The following NF1 variants were observed in gnomAD, a reference collection of about 807,000 sequenced individuals.
The protein encoded by NF1 is neurofibromin.
A neutral mutation model predicts 325.7 loss-of-function variants in NF1; 122 were observed. That is an observed-to-expected ratio of 0.37 (90% CI 0.32 to 0.44). NF1 has a LOEUF of 0.44. Among genes scored for constraint, NF1 ranks in the 20% least tolerant of loss-of-function variants. The pLI is 1.00. For missense variants in NF1, 2,140 were observed against 3,415.4 expected (o/e 0.63, Z 9.31); for synonymous variants, 1,091 against 1,186.0 (o/e 0.92, Z 1.65).
intron 1 of NF1, among the ~76,000 whole-genome samples, chr17:31,126,874 A>T (rs1039606929): frequency 3.3e-5 from 5 of 152,144 alleles, no homozygotes; most frequent in Admixed American, 2.6e-4. Context: ...ATGTTTTAAA[A>T]TTTTTTTGTG....
chr17:31,327,422 G>A (rs1186137422), intron 37 of NF1, 77 bp from the exon 38 acceptor site: 14 of 1,152,708 alleles, frequency 1.2e-5, no homozygotes, highest in Non-Finnish European at 1.6e-5. Flanking sequence ...TGGTTGGTTG[G>A]TTTCTGGAGC....
rs749833271 is a variant in NF1, at chr17:31,225,248, A to G, written c.1999A>G (p.Met667Val). ...SLRKGKGNSS[M>V]DSAAGCSGTP... ...CCGGAAGGGAAAAGGGAACTCCTCT[A>G]TGGTCAGCTTCTTCTGTACTTTTTC... The change falls in exon 17 of 58, where the codon ATG becomes GTG. Residue 667 changes from methionine (M) to valine (V), a missense_variant and splice_region_variant. Physicochemically the swap from Met to Val is conservative, Grantham distance 21. Coordinates refer to ENST00000358273, the MANE Select transcript of NF1 (RefSeq NM_001042492.3). 6.8e-6 allele frequency: 11 copies of G among 1,613,364 alleles called. No individual in the cohort carries two copies. The highest frequency in any genetic ancestry group is 1.6e-4 in the Middle Eastern group (1 of 6,080).
intron 57 of NF1, among the ~76,000 whole-genome samples, chr17:31,369,662 T>G (rs2070595352): frequency 6.6e-6 from 1 of 152,224 alleles, no homozygotes; most frequent in Non-Finnish European, 1.5e-5. Context: ...TACAAAACTT[T>G]AAAGGGGTTT....
intron 1 of NF1, chr17:31,136,965 C>T (rs1287944810): frequency 1.3e-5 from 2 of 152,106 alleles, no homozygotes; most frequent in Non-Finnish European, 2.9e-5. Flanking sequence ...GATAGTTTTG[C>T]TGGATATATA....
At chr17:31,189,847 C>T (rs371181699) in intron 8 of NF1, among the ~76,000 whole-genome samples, 6 of 150,084 alleles carry the variant, frequency 4.0e-5, no homozygotes, top group Admixed American at 1.3e-4. Flanking sequence ...GTGCAACCCC[C>T]GCCTCTCGGG....
intron 31 of NF1, among the ~76,000 whole-genome samples, chr17:31,257,433 T>G (rs2067601928): frequency 6.6e-6 from 1 of 152,164 alleles, no homozygotes; most frequent in African/African-American, 2.4e-5. Flanking sequence ...ATGACATGAT[T>G]TAAAGCAGGG....
Position 31,338,097 on chromosome 17 carries a change from G to A in NF1, c.6777G>A (p.Val2259=), listed in dbSNP as rs1281405147. The change falls in exon 45 of 58, where the codon GTG becomes GTA. Residue 2259 remains valine, a synonymous_variant. Coordinates refer to ENST00000358273, the MANE Select transcript of NF1 (RefSeq NM_001042492.3). ...LVVFGCISKR[V]SHGQIKQIIR... Reference sequence around the variant, plus strand: ...TCTTTGGGTGTATTAGCAAACGAGTGTCTCATGGGCAGATAAAGCAGATAA... The same window carrying A: ...TCTTTGGGTGTATTAGCAAACGAGTATCTCATGGGCAGATAAAGCAGATAA... 6.2e-7 allele frequency: 1 copy of A among 1,613,914 alleles called. No individual in the cohort carries two copies. The highest frequency in any genetic ancestry group is 1.3e-5 in the African/African-American group (1 of 75,030).
chr17:31,273,098 A>G (rs1291497506), intron 36 of NF1, among the ~76,000 whole-genome samples: 1 of 152,250 alleles, frequency 6.6e-6, no homozygotes, highest in Non-Finnish European at 1.5e-5. Flanking sequence ...AGAGTAGGGT[A>G]GGGGCAAAGA....
rs182822094 is a variant in NF1 at position 31,350,670 on chromosome 17, C to T, written c.7457+352C>T. On this transcript the variant is annotated intron_variant, in intron 50 of 57. Transcript: ENST00000358273. ...ACACATTACGTGCTTGGATAGAGAA[C>T]GAATCTATACAGATTTGTAAAAATA... is the stretch of plus-strand genomic sequence containing the variant. Among the ~76,000 whole-genome samples the T allele has an allele frequency of 7.2e-5, 11 of 152,172 alleles. No homozygotes were observed. The East Asian group carries it at 1.5e-3, about 21-fold the overall frequency.
chr17:31,108,053 A>C (rs1046675311), intron 1 of NF1, among the ~76,000 whole-genome samples: 1 of 151,448 alleles, frequency 6.6e-6, no homozygotes. Flanking sequence ...GGATGGCTTG[A>C]GCCCAGGAGG....
chr17:31,271,636 G>C (rs1297116305), intron 36 of NF1, among the ~76,000 whole-genome samples: 3 of 152,044 alleles, frequency 2.0e-5, no homozygotes, highest in African/African-American at 7.2e-5. Flanking sequence ...TGTAATCCCA[G>C]CTACTCTGGG....
At chr17:31,304,049 T>C in intron 36 of NF1, 1 of 452,238 alleles carries the variant, frequency 2.2e-6, no homozygotes, top group Non-Finnish European at 3.9e-6. Flanking sequence ...TACTATACTT[T>C]AAAGATAGGT....
rs754308242 is a variant in NF1, at chr17:31,234,670, C to CAAAAAAA, written c.3709-921_3709-915dup. On this transcript the variant is annotated intron_variant, in intron 27 of 57. Coordinates refer to ENST00000358273, the MANE Select transcript of NF1 (RefSeq NM_001042492.3). Reference sequence around the variant, plus strand: ...TGGGCGACAGAGCGAGACTCTGTCTCAAAAAAAAAAAAAAAAAAAAAAAAA... The same window carrying CAAAAAAA: ...TGGGCGACAGAGCGAGACTCTGTCTCAAAAAAAAAAAAAAAAAAAAAAAAAAAAAAAA... 1.0e-3 allele frequency among the ~76,000 whole-genome samples: 56 copies of CAAAAAAA among 56,280 alleles called. 1 individual carries two copies. Among genetic ancestry groups the CAAAAAAA allele is most frequent in the Non-Finnish European group, 1.5e-3 (43 of 27,964 alleles). 36.9% of individuals were successfully genotyped at this position (56,280 alleles called of 152,430 possible).
intron 36 of NF1, among the ~76,000 whole-genome samples, chr17:31,301,614 T>C (rs1185481955): frequency 6.6e-6 from 1 of 152,196 alleles, no homozygotes; most frequent in Non-Finnish European, 1.5e-5. Flanking sequence ...ACTTATGTGA[T>C]ATATGTATGT....
In NF1 at chr17:31,358,570, T is replaced by C. The variant is rs786202936; in HGVS notation, c.8061T>C (p.Ser2687=). ...ATCCAATCCATGGAATTGTGCAGAGTGTGGTGTACCATGAAGAATCCCCAC... is the reference window on the plus strand; with the variant it reads ...ATCCAATCCATGGAATTGTGCAGAGCGTGGTGTACCATGAAGAATCCCCAC... ...LLNPIHGIVQ[S]VVYHEESPPQ... Residue 2687 remains serine (S), a synonymous_variant, in exon 55 of 58, where the codon AGT becomes AGC. Coordinates refer to ENST00000358273, the MANE Select transcript of NF1 (RefSeq NM_001042492.3). The C allele has an allele frequency of 1.2e-6, 2 of 1,613,940 alleles. No homozygotes were observed. The highest frequency in any genetic ancestry group is 3.3e-5 in the Admixed American group (2 of 60,004).
At chr17:31,274,179 G>A (rs1272228131) in intron 36 of NF1, among the ~76,000 whole-genome samples, 1 of 152,100 alleles carries the variant, frequency 6.6e-6, no homozygotes, top group Non-Finnish European at 1.5e-5. Flanking sequence ...TTCATACTGA[G>A]TTTACAAACT....
At chr17:31,275,495 GTTT>G (rs2067988994) in intron 36 of NF1, among the ~76,000 whole-genome samples, 1 of 152,030 alleles carries the variant, frequency 6.6e-6, no homozygotes, top group Non-Finnish European at 1.5e-5. Flanking sequence ...TTTTATTATT[GTTT>G]TTAATCTCTT....
intron 36 of NF1, among the ~76,000 whole-genome samples, chr17:31,299,168 T>C (rs2068524144): frequency 6.6e-6 from 1 of 152,104 alleles, no homozygotes; most frequent in Non-Finnish European, 1.5e-5. Context: ...TTCAATATAT[T>C]TGAATTCTAA....
At chr17:31,222,012 A>C (rs572354140) in intron 15 of NF1, 83 bp downstream of exon 15, 2 of 1,373,638 alleles carry the variant, frequency 1.5e-6, no homozygotes, top group African/African-American at 3.0e-5. Flanking sequence ...TGTAGTACTT[A>C]GTACATTGTA....
Sources: gnomAD v4.1 joint callset for allele counts (sites outside exome capture counted in the v4.1 genomes callset) on GRCh38, gnomAD v4.1.1 for gene constraint, MANE v1.5 for transcripts, NCBI Gene and HGNC (gene_info 2026-07-23, HGNC 2026-07-21) for gene names.